SLC5A4: variants seen among roughly 807,000 people sequenced by gnomAD.
The protein encoded by SLC5A4 is probable glucose sensor protein SLC5A4.
In SLC5A4, 55 loss-of-function variants were observed where a neutral mutation model predicts 70.3. The ratio of observed to expected loss-of-function variants is 0.78; its 90% CI spans 0.63 to 0.98. SLC5A4 has a LOEUF of 0.98. SLC5A4 is among the 50% of genes least tolerant of loss of function. The pLI is 0.00. For synonymous variants in SLC5A4, 268 were observed against 305.7 expected, an observed-to-expected ratio of 0.88 and a Z score of 1.29; for missense variants, 735 against 839.2, an observed-to-expected ratio of 0.88 and a Z score of 1.53.
the SLC5A4 span, chr22:32,271,260 C>T: frequency 1.3e-6 from 1 of 784,870 alleles, no homozygotes; most frequent in East Asian, 2.9e-5. Context: ...TCCTCATGGA[C>T]AGCTCCTTTG....
rs1166719103 is a variant in SLC5A4, at chr22:32,255,182, GGATT to G, written c.135+9_135+12del. On this transcript the variant is annotated intron_variant, in intron 1 of 14. Transcript: ENST00000266086. The stretch of plus-strand genomic sequence containing the variant: ...CTTGTGCCCACCCTAAAAGCCACTG[GGATT>G]CCACCTACCCACAGCCCAACAGCCA... The G allele has an allele frequency of 6.2e-7, 1 of 1,612,546 alleles. No homozygotes were observed. Among genetic ancestry groups the G allele is most frequent in the Admixed American group, 1.7e-5 (1 of 59,926 alleles).
upstream of SLC5A4, among the ~76,000 whole-genome samples, chr22:32,257,540 T>TG (rs1927551039): frequency 6.6e-6 from 1 of 151,876 alleles, no homozygotes; most frequent in African/African-American, 2.4e-5. Context: ...TTTTTAGAGG[T>TG]GGGGGTCTTA....
the SLC5A4 span, among the ~76,000 whole-genome samples, chr22:32,344,265 G>A: frequency 6.6e-6 from 1 of 152,178 alleles, no homozygotes; most frequent in Non-Finnish European, 1.5e-5. Context: ...CACTCCTGCT[G>A]TGTTTTGTTT....
chr22:32,239,556 A>G (rs986818122), intron 5 of SLC5A4, among the ~76,000 whole-genome samples: 1 of 20,912 alleles, frequency 4.8e-5, no homozygotes, highest in Non-Finnish European at 9.0e-5. Context: ...ATATATATAT[A>G]TATATATATA....
At chr22:32,310,042 G>A in the SLC5A4 span, among the ~76,000 whole-genome samples, 1 of 149,286 alleles carries the variant, frequency 6.7e-6, no homozygotes, top group Non-Finnish European at 1.5e-5. Flanking sequence ...AGACCTCTGG[G>A]TGGCAGCGGG....
chr22:32,282,054 G>C, the SLC5A4 span, among the ~76,000 whole-genome samples: 1 of 151,602 alleles, frequency 6.6e-6, no homozygotes, highest in Non-Finnish European at 1.5e-5. Context: ...TGTTGTCCAG[G>C]CTGGTCTCAA....
the SLC5A4 span, among the ~76,000 whole-genome samples, chr22:32,345,562 C>G: frequency 6.6e-6 from 1 of 151,956 alleles, no homozygotes; most frequent in African/African-American, 2.4e-5. Flanking sequence ...TGAACATCTG[C>G]TAAGTAATGA....
chr22:32,230,114 G>A (rs966016805), intron 10 of SLC5A4, among the ~76,000 whole-genome samples: 1 of 152,196 alleles, frequency 6.6e-6, no homozygotes, highest in African/African-American at 2.4e-5. Flanking sequence ...AGCCTCCTAG[G>A]ACAGAGTGTG....
chr22:32,305,642 G>A, the SLC5A4 span, among the ~76,000 whole-genome samples: 2 of 136,930 alleles, frequency 1.5e-5, no homozygotes, highest in East Asian at 2.1e-4. Flanking sequence ...GCTGGCGGGT[G>A]GGGCCAGAAT....
the SLC5A4 span, among the ~76,000 whole-genome samples, chr22:32,320,538 A>G: frequency 6.6e-6 from 1 of 152,184 alleles, no homozygotes; most frequent in Admixed American, 6.5e-5. Context: ...AGGCTTGGGC[A>G]GCTGTCCTCA....
At chr22:32,274,816 C>T in the SLC5A4 span, among the ~76,000 whole-genome samples, 2 of 152,158 alleles carry the variant, frequency 1.3e-5, no homozygotes, top group Non-Finnish European at 2.9e-5. Flanking sequence ...GATTTTATAC[C>T]TTATCCCTAC....
chr22:32,238,682 G>A (rs1926204144), intron 6 of SLC5A4, among the ~76,000 whole-genome samples: 1 of 152,178 alleles, frequency 6.6e-6, no homozygotes, highest in African/African-American at 2.4e-5. Context: ...AACCGTCTGT[G>A]TGGATGATAT....
chr22:32,254,080 C>G (rs1927327728), intron 2 of SLC5A4, 62 bp downstream of exon 2: 41 of 1,313,188 alleles, frequency 3.1e-5, no homozygotes, highest in South Asian at 1.1e-4. Flanking sequence ...CGCACCCAGC[C>G]TACATTCAGT....
intron 6 of SLC5A4, among the ~76,000 whole-genome samples, chr22:32,238,268 T>C (rs531619903): frequency 1.3e-5 from 2 of 152,230 alleles, no homozygotes; most frequent in East Asian, 1.9e-4. Context: ...TGGTCTGCCA[T>C]AGCACATGTA....
chr22:32,272,090 G>C, the SLC5A4 span: 2 of 652,692 alleles, frequency 3.1e-6, no homozygotes, highest in Non-Finnish European at 5.6e-6. Flanking sequence ...AGAAGTGGGA[G>C]CTTGTGACCA....
At chr22:32,323,171 GCT>G in the SLC5A4 span, among the ~76,000 whole-genome samples, 1 of 152,126 alleles carries the variant, frequency 6.6e-6, no homozygotes, top group Non-Finnish European at 1.5e-5. Flanking sequence ...TTACAGCTTA[GCT>G]CTGTCCACCA....
At chr22:32,336,100 C>G in the SLC5A4 span, among the ~76,000 whole-genome samples, 1 of 152,192 alleles carries the variant, frequency 6.6e-6, no homozygotes, top group African/African-American at 2.4e-5. Flanking sequence ...ATCCACTTGC[C>G]CCACCCTGCA....
At chr22:32,302,133 T>C in the SLC5A4 span, among the ~76,000 whole-genome samples, 39 of 152,258 alleles carry the variant, frequency 2.6e-4, 1 homozygote, top group South Asian at 7.7e-3. Context: ...AATAGATAAA[T>C]TGAACTTCCT....
At chr22:32,308,512 G>A in the SLC5A4 span, among the ~76,000 whole-genome samples, 1 of 152,194 alleles carries the variant, frequency 6.6e-6, no homozygotes, top group Non-Finnish European at 1.5e-5. Context: ...TGTTTGACAT[G>A]ACCTGAAGAG....
Sources: gnomAD v4.1 joint callset for allele counts (sites outside exome capture counted in the v4.1 genomes callset) on GRCh38, gnomAD v4.1.1 for gene constraint, MANE v1.5 for transcripts, NCBI Gene and HGNC (gene_info 2026-07-23, HGNC 2026-07-21) for gene names.